Variants in MRPL48 observed in about 807,000 individuals in gnomAD.
MRPL48 encodes the protein mitochondrial ribosomal protein L48.
MRPL48 carries 16 observed loss-of-function variants against 32.9 expected under a neutral mutation model. That is an observed-to-expected ratio of 0.49 (90% CI 0.33 to 0.74). MRPL48 has a LOEUF of 0.74. MRPL48 is among the 30% of genes least tolerant of loss of function. The pLI, the probability that MRPL48 is intolerant of heterozygous loss-of-function variation, is 0.02. For missense variants in MRPL48, 206 were observed against 245.3 expected (o/e 0.84, Z 1.07); for synonymous variants, 94 against 89.2 (o/e 1.05, Z -0.31).
intron 4 of MRPL48, among the ~76,000 whole-genome samples, chr11:73,828,321 C>G (rs1234719128): frequency 6.6e-6 from 1 of 151,306 alleles, no homozygotes; most frequent in Admixed American, 6.6e-5. Flanking sequence ...GCCTCCTGGG[C>G]TCAAGAGAGC....
intron 5 of MRPL48, 39 bp downstream of exon 5, chr11:73,845,015 G>T: frequency 1.3e-6 from 2 of 1,556,350 alleles, no homozygotes; most frequent in South Asian, 1.2e-5. Flanking sequence ...TCTTGGTGTG[G>T]GTAGAATGCT....
intron 1 of MRPL48, among the ~76,000 whole-genome samples, chr11:73,803,438 AT>A (rs35911178): frequency 0.087 from 12,922 of 147,820 alleles, 714 homozygotes; most frequent in African/African-American, 0.17. Context: ...GCCTAGAGTG[AT>A]TTTTTTTTTT....
At chr11:73,795,609 C>T (rs1306723875) in intron 1 of MRPL48, among the ~76,000 whole-genome samples, 1 of 151,888 alleles carries the variant, frequency 6.6e-6, no homozygotes, top group Non-Finnish European at 1.5e-5. Flanking sequence ...CGGGTTCACA[C>T]CATTCTCTTG....
At chr11:73,842,321 C>A (rs963723661) in intron 4 of MRPL48, 1 of 152,162 alleles carries the variant, frequency 6.6e-6, no homozygotes, top group Admixed American at 6.5e-5. Context: ...TATGTAATTA[C>A]ACACATGCAC....
chr11:73,855,557 G>A (rs1320291213), intron 5 of MRPL48, among the ~76,000 whole-genome samples: 4 of 151,986 alleles, frequency 2.6e-5, no homozygotes, highest in Non-Finnish European at 5.9e-5. Flanking sequence ...GTGCGATCTC[G>A]GCTCACTGCA....
intron 1 of MRPL48, among the ~76,000 whole-genome samples, chr11:73,796,122 C>T (rs959161312): frequency 3.9e-5 from 6 of 152,246 alleles, no homozygotes; most frequent in Non-Finnish European, 8.8e-5. Flanking sequence ...GGAGCCCTGC[C>T]CCTTCCGAGT....
Position 73,847,672 on chromosome 11 carries a change from C to T in MRPL48, c.371+2696C>T, listed in dbSNP as rs182360335. Among the ~76,000 whole-genome samples the T allele has an allele frequency of 3.7e-3, 569 of 152,254 alleles. 2 individuals are homozygous for T. The highest frequency in any genetic ancestry group is 5.6e-3 in the Non-Finnish European group (379 of 68,008). ...TGTTAGCCAGGATGGTCTCAATCTCCTGACCTCGTGATCTGCCCGCTTCGG... is the reference window on the plus strand; with the variant it reads ...TGTTAGCCAGGATGGTCTCAATCTCTTGACCTCGTGATCTGCCCGCTTCGG... On this transcript the variant is annotated intron_variant, in intron 5 of 7. Transcript: ENST00000310614.
Position 73,805,044 on chromosome 11 carries a change from C to A in MRPL48, c.39C>A (p.Asn13Lys), listed in dbSNP as rs757995099. The A allele has an allele frequency of 4.4e-6, 7 of 1,590,188 alleles. No homozygotes were observed. In the Admixed American group the frequency reaches 1.1e-4, roughly 24 times the overall value. Residue 13 changes from asparagine (N) to lysine (K), a missense_variant, in exon 2 of 8, where the codon AAC (asparagine) becomes AAA (lysine). Asn to Lys is a moderately conservative substitution (Grantham distance 94). Transcript: ENST00000310614. ...GTLEKVLCLR[N>K]NTIFKQAFSL... is the part of the protein sequence containing the mutation. ...TGCTGTAGGTGCTGTGCCTGAGGAA[C>A]AATACCATTTTTAAGCAAGCCTTTT...
At chr11:73,804,994 T>C (rs1435716938) in intron 1 of MRPL48, 33 bp from the exon 2 acceptor site, 1 of 1,569,918 alleles carries the variant, frequency 6.4e-7, no homozygotes, top group Non-Finnish European at 8.7e-7. Context: ...TATAAATGCT[T>C]AAGATTGTCC....
chr11:73,857,699 G>T (rs992150167), intron 5 of MRPL48, among the ~76,000 whole-genome samples: 2 of 149,366 alleles, frequency 1.3e-5, no homozygotes, highest in Non-Finnish European at 3.0e-5. Flanking sequence ...GGTTCAAGTG[G>T]TTCTCCTGCC....
intron 1 of MRPL48, among the ~76,000 whole-genome samples, chr11:73,796,106 C>A (rs1033621460): frequency 2.0e-5 from 3 of 152,256 alleles, no homozygotes; most frequent in African/African-American, 7.2e-5. Flanking sequence ...GAGCCAGGGA[C>A]AAGTGGGAGC....
chr11:73,802,489 C>T (rs1357877351), intron 1 of MRPL48, among the ~76,000 whole-genome samples: 1 of 152,162 alleles, frequency 6.6e-6, no homozygotes, highest in Non-Finnish European at 1.5e-5. Context: ...CCAGCCCTTC[C>T]AGCCCCAGGC....
intron 3 of MRPL48, among the ~76,000 whole-genome samples, chr11:73,812,719 T>A (rs1184336409): frequency 7.9e-6 from 1 of 126,968 alleles, no homozygotes; most frequent in Non-Finnish European, 1.7e-5. Context: ...CATGTCTAAA[T>A]ATATATATAT....
intron 4 of MRPL48, among the ~76,000 whole-genome samples, chr11:73,838,607 T>C (rs1948141406): frequency 6.6e-6 from 1 of 152,218 alleles, no homozygotes; most frequent in Non-Finnish European, 1.5e-5. Flanking sequence ...CAGCTCTTAC[T>C]GCAGTGCTGC....
chr11:73,829,915 C>T (rs745367608), intron 4 of MRPL48, among the ~76,000 whole-genome samples: 4 of 151,572 alleles, frequency 2.6e-5, no homozygotes, highest in Non-Finnish European at 5.9e-5. Flanking sequence ...CAGGAGTATA[C>T]CACTACACCC....
chr11:73,801,516 C>T (rs985505117), intron 1 of MRPL48, among the ~76,000 whole-genome samples: 3 of 152,188 alleles, frequency 2.0e-5, no homozygotes, highest in African/African-American at 7.2e-5. Flanking sequence ...GGATCATCTG[C>T]ACATTTTGCC....
At chr11:73,838,861 C>T (rs1015636912) in intron 4 of MRPL48, among the ~76,000 whole-genome samples, 1 of 152,140 alleles carries the variant, frequency 6.6e-6, no homozygotes, top group Non-Finnish European at 1.5e-5. Flanking sequence ...TGTCTGGCTT[C>T]GTGATTCTGG....
At position 73,845,353 on chromosome 11, in the gene MRPL48, TG is replaced by T. The variant is rs1452354610; in HGVS notation, c.371+379del. Reference sequence around the variant, plus strand: ...ATGTTTTTGCAAGTTTTCTTTTTAGTGGTAAAATACACATAAGTTACCAGCT... The same window carrying T: ...ATGTTTTTGCAAGTTTTCTTTTTAGTGTAAAATACACATAAGTTACCAGCT... On this transcript the variant is annotated intron_variant, in intron 5 of 7. Coordinates refer to ENST00000310614, the MANE Select transcript of MRPL48 (RefSeq NM_016055.6). Among the ~76,000 whole-genome samples the T allele has an allele frequency of 2.0e-5, 3 of 152,244 alleles. No homozygotes were observed. The South Asian group carries it at 6.2e-4, about 32-fold the overall frequency.
intron 4 of MRPL48, among the ~76,000 whole-genome samples, chr11:73,829,464 C>T (rs1191446414): frequency 6.6e-6 from 1 of 150,880 alleles, no homozygotes; most frequent in Non-Finnish European, 1.5e-5. Context: ...TACCTAGGTT[C>T]AAGCGATCCT....
Sources: gnomAD v4.1 joint callset for allele counts (sites outside exome capture counted in the v4.1 genomes callset) on GRCh38, gnomAD v4.1.1 for gene constraint, MANE v1.5 for transcripts, NCBI Gene and HGNC (gene_info 2026-07-23, HGNC 2026-07-21) for gene names.